NR2F1-AS1: variants seen among roughly 807,000 people sequenced by gnomAD.
NR2F1-AS1 encodes NR2F1 regulatory antisense RNA 1, also known as NR2F1 antisense RNA 1.
In NR2F1-AS1 at chr5:93,469,294, G is replaced by C. The variant is rs911525808; in HGVS notation, n.639-73752C>G. 5.3e-5 allele frequency among the ~76,000 whole-genome samples: 8 copies of C among 152,022 alleles called. No homozygotes were observed. The East Asian group carries it at 1.5e-3, about 29-fold the overall frequency. On this transcript the variant is annotated intron_variant and non_coding_transcript_variant, in intron 4 of 5. Transcript: ENST00000660523. The stretch of plus-strand genomic sequence containing the variant: ...CTACAAACCCATAGAACATGTAACT[G>C]TACTTAATACTGTAAGAAATCTTAA...
chr5:93,557,458 A>G (rs1166239443), intron 2 of NR2F1-AS1, among the ~76,000 whole-genome samples: 1 of 152,190 alleles, frequency 6.6e-6, no homozygotes, highest in Non-Finnish European at 1.5e-5. Flanking sequence ...AGTCACACAA[A>G]TTTTGTTTCC....
chr5:93,446,368 T>C (rs928577035), intron 4 of NR2F1-AS1, among the ~76,000 whole-genome samples: 3 of 152,136 alleles, frequency 2.0e-5, no homozygotes, highest in Admixed American at 2.0e-4. Flanking sequence ...GGATACAAAA[T>C]CAATGTGCAA....
intron 4 of NR2F1-AS1, among the ~76,000 whole-genome samples, chr5:93,459,869 G>C (rs1215255511): frequency 1.3e-5 from 2 of 152,082 alleles, no homozygotes; most frequent in Non-Finnish European, 2.9e-5. Context: ...GGGAATGTGG[G>C]AACTGGAGTA....
intron 4 of NR2F1-AS1, among the ~76,000 whole-genome samples, chr5:93,412,242 GC>G (rs1293286550): frequency 6.6e-6 from 1 of 152,100 alleles, no homozygotes; most frequent in Non-Finnish European, 1.5e-5. Context: ...CCTTGCTCAG[GC>G]CCTCTTCTCC....
chr5:93,477,823 C>A (rs1272336282), intron 4 of NR2F1-AS1, among the ~76,000 whole-genome samples: 1 of 152,206 alleles, frequency 6.6e-6, no homozygotes, highest in African/African-American at 2.4e-5. Flanking sequence ...CAAAAAGCAT[C>A]TGAAGTCTAG....
At chr5:93,456,850 G>A (rs1749959446) in intron 4 of NR2F1-AS1, among the ~76,000 whole-genome samples, 1 of 152,040 alleles carries the variant, frequency 6.6e-6, no homozygotes, top group Non-Finnish European at 1.5e-5. Context: ...TGGGGAGAGG[G>A]TCAGCAGGAA....
chr5:93,474,230 C>T (rs868511868), intron 4 of NR2F1-AS1, among the ~76,000 whole-genome samples: 2 of 152,032 alleles, frequency 1.3e-5, no homozygotes, highest in East Asian at 1.9e-4. Flanking sequence ...AAATTTTAAT[C>T]GATTTAGAAA....
chr5:93,455,002 T>C (rs537996228), intron 4 of NR2F1-AS1, among the ~76,000 whole-genome samples: 1 of 152,286 alleles, frequency 6.6e-6, no homozygotes, highest in East Asian at 1.9e-4. Flanking sequence ...CTGAGTTTTG[T>C]AAGGCACTCC....
intron 4 of NR2F1-AS1, among the ~76,000 whole-genome samples, chr5:93,469,262 T>C (rs1457391779): frequency 6.6e-6 from 1 of 152,150 alleles, no homozygotes; most frequent in Non-Finnish European, 1.5e-5. Flanking sequence ...GTATGGCCTA[T>C]TGTAGGCTAC....
At chr5:93,416,954 T>C (rs1435871857) in intron 4 of NR2F1-AS1, among the ~76,000 whole-genome samples, 2 of 152,242 alleles carry the variant, frequency 1.3e-5, no homozygotes, top group African/African-American at 4.8e-5. Flanking sequence ...GGCATTTCTA[T>C]ACATTAAAAC....
intron 2 of NR2F1-AS1, among the ~76,000 whole-genome samples, chr5:93,561,760 C>A (rs1166602214): frequency 1.3e-5 from 2 of 151,674 alleles, no homozygotes; most frequent in African/African-American, 2.4e-5. Flanking sequence ...GCAACAGAGA[C>A]CCTGTCTCAA....
intron 1 of NR2F1-AS1, among the ~76,000 whole-genome samples, chr5:93,573,899 G>A (rs1359154367): frequency 6.6e-6 from 1 of 152,124 alleles, no homozygotes; most frequent in African/African-American, 2.4e-5. Context: ...TTAGATTTAT[G>A]GTCTCTTTTT....
intron 4 of NR2F1-AS1, among the ~76,000 whole-genome samples, chr5:93,423,427 T>C (rs1049061730): frequency 2.0e-5 from 3 of 152,096 alleles, no homozygotes; most frequent in Admixed American, 6.5e-5. Flanking sequence ...CTGGGAACCA[T>C]GGGTGGCAGA....
chr5:93,427,102 C>G (rs1263054891), intron 4 of NR2F1-AS1, among the ~76,000 whole-genome samples: 1 of 152,072 alleles, frequency 6.6e-6, no homozygotes, highest in Non-Finnish European at 1.5e-5. Flanking sequence ...AATCTCTTGC[C>G]CTTGTCCTTC....
At chr5:93,424,147 C>T (rs986597997) in intron 4 of NR2F1-AS1, among the ~76,000 whole-genome samples, 3 of 152,062 alleles carry the variant, frequency 2.0e-5, no homozygotes, top group Non-Finnish European at 4.4e-5. Flanking sequence ...GTACCAAATA[C>T]TTTCTCTAGA....
intron 4 of NR2F1-AS1, among the ~76,000 whole-genome samples, chr5:93,526,085 T>C (rs865812104): frequency 2.3e-4 from 35 of 151,924 alleles, no homozygotes; most frequent in Admixed American, 8.5e-4. Flanking sequence ...TCTTAAATGA[T>C]TAACAAAATA....
chr5:93,545,039 G>GA (rs1476948914), intron 4 of NR2F1-AS1: 6 of 151,664 alleles, frequency 4.0e-5, no homozygotes, highest in African/African-American at 1.5e-4. Flanking sequence ...CTTTTGATAA[G>GA]AAAAAGTATA....
chr5:93,498,227 T>C (rs1396420333), intron 4 of NR2F1-AS1, among the ~76,000 whole-genome samples: 1 of 151,986 alleles, frequency 6.6e-6, no homozygotes, highest in Non-Finnish European at 1.5e-5. Flanking sequence ...AAGATAATAA[T>C]AATAATAATA....
intron 4 of NR2F1-AS1, among the ~76,000 whole-genome samples, chr5:93,538,486 TTAAA>T (rs749810266): frequency 5.9e-5 from 9 of 152,172 alleles, no homozygotes; most frequent in Non-Finnish European, 1.0e-4. Context: ...AAATTAATAA[TTAAA>T]TAAATAAATA....
Sources: gnomAD v4.1 joint callset for allele counts (sites outside exome capture counted in the v4.1 genomes callset) on GRCh38, gnomAD v4.1.1 for gene constraint, MANE v1.5 for transcripts, NCBI Gene and HGNC (gene_info 2026-07-23, HGNC 2026-07-21) for gene names.